MTHFD1L: variants seen among roughly 807,000 people sequenced by gnomAD.
MTHFD1L encodes methylenetetrahydrofolate dehydrogenase (NADP+ dependent) 1 like, also known as monofunctional C1-tetrahydrofolate synthase, mitochondrial.
Under a neutral mutation model 119.5 loss-of-function variants are expected in MTHFD1L, and 81 were observed. That is an observed-to-expected ratio of 0.68 (90% CI 0.57 to 0.82). The LOEUF is 0.82. Ranked by LOEUF, MTHFD1L falls within the 40% of genes least tolerant of loss-of-function variation. MTHFD1L has a pLI of 0.00. For synonymous variants in MTHFD1L, 430 were observed against 475.2 expected, an observed-to-expected ratio of 0.90 and a Z score of 1.24; for missense variants, 1,125 against 1,253.4, an observed-to-expected ratio of 0.90 and a Z score of 1.55.
intron 24 of MTHFD1L, among the ~76,000 whole-genome samples, chr6:151,021,520 C>T (rs567969576): frequency 9.2e-5 from 14 of 152,232 alleles, no homozygotes; most frequent in African/African-American, 3.4e-4. Context: ...TGCACTCCAG[C>T]CTGGGCAACA....
rs566399462 is a variant in MTHFD1L at position 150,993,564 on chromosome 6, G to A, written c.2126-16255G>A. The stretch of plus-strand genomic sequence containing the variant: ...TGGCCTTAAGTGATCCTCCTGCCTC[G>A]GCCTCCTTAAGGGCTGGGATTACAG... On this transcript the variant is annotated intron_variant, in intron 20 of 27. Transcript: ENST00000367321. 2.2e-3 allele frequency among the ~76,000 whole-genome samples: 342 copies of A among 152,162 alleles called. 1 individual carries two copies. The highest frequency in any genetic ancestry group is 4.2e-3 in the Non-Finnish European group (283 of 68,002).
chr6:150,973,339 C>A (rs903255199), intron 20 of MTHFD1L, among the ~76,000 whole-genome samples: 1 of 152,236 alleles, frequency 6.6e-6, no homozygotes, highest in Non-Finnish European at 1.5e-5. Flanking sequence ...TGGAGCTCCA[C>A]TCCTCCATGA....
chr6:150,875,238 G>A (rs529715204), intron 1 of MTHFD1L, among the ~76,000 whole-genome samples: 7 of 151,954 alleles, frequency 4.6e-5, no homozygotes, highest in Admixed American at 2.6e-4. Flanking sequence ...TTATAGAGAT[G>A]GGATCTCGTT....
In MTHFD1L at chr6:150,947,030, G is replaced by T. The variant is rs561638465; in HGVS notation, c.1623+1489G>T. On this transcript the variant is annotated intron_variant, in intron 15 of 27. Transcript: ENST00000367321. ...GCGGAGCTTGCAGTGAGCCGAGATC[G>T]TGCCATTGCACTCCAGCCTGGGCAA... 3.3e-5 allele frequency among the ~76,000 whole-genome samples: 5 copies of T among 149,792 alleles called. No homozygotes were observed. The East Asian group carries it at 1.0e-3, about 30-fold the overall frequency.
At chr6:150,957,900 G>A (rs1795874264) in intron 17 of MTHFD1L, among the ~76,000 whole-genome samples, 1 of 152,096 alleles carries the variant, frequency 6.6e-6, no homozygotes, top group Admixed American at 6.5e-5. Context: ...GCCAACTGTT[G>A]GCATTAGTTG....
At chr6:151,012,745 T>C (rs531341116) in intron 21 of MTHFD1L, among the ~76,000 whole-genome samples, 6 of 152,254 alleles carry the variant, frequency 3.9e-5, no homozygotes, top group African/African-American at 1.4e-4. Context: ...ATATTTATTG[T>C]AAGGAATTGG....
rs1287044151 is a variant in MTHFD1L, at chr6:150,944,578, C to T, written c.1533C>T (p.Asn511=). ...AAIDTRILHE[N]TQTDKALYNR... is the part of the protein sequence containing the mutation. ...TCGACACGAGGATTCTTCATGAAAA[C>T]ACGCAAACAGATAAGGTGAGAAGGA... The change falls in exon 14 of 28, where the codon AAC becomes AAT. Residue 511 remains asparagine, a synonymous_variant. Transcript: ENST00000367321. 3 of 1,613,304 alleles carry T rather than the reference C, an allele frequency of 1.9e-6. No individual in the cohort carries two copies. The highest frequency in any genetic ancestry group is 2.5e-6 in the Non-Finnish European group (3 of 1,179,528).
intron 13 of MTHFD1L, among the ~76,000 whole-genome samples, chr6:150,941,328 A>G (rs1363310387): frequency 6.6e-6 from 1 of 152,214 alleles, no homozygotes; most frequent in African/African-American, 2.4e-5. Context: ...TGCAGGCGCC[A>G]GCTCTGTCGA....
intron 10 of MTHFD1L, among the ~76,000 whole-genome samples, chr6:150,923,537 A>ATTTATTTATTTATTTATTTTT (rs1254981530): frequency 1.4e-4 from 13 of 95,220 alleles, no homozygotes; most frequent in African/African-American, 6.1e-4. Context: ...TTATTTATTT[A>ATTTATTTATTTATTTATTTTT]TTTTTTCTTT....
intron 9 of MTHFD1L, among the ~76,000 whole-genome samples, chr6:150,919,534 G>A (rs1459214838): frequency 6.6e-6 from 1 of 152,160 alleles, no homozygotes; most frequent in Non-Finnish European, 1.5e-5. Context: ...CTGGCTCACA[G>A]TTCTGCAGGC....
chr6:150,973,707 G>A (rs1363551183), intron 20 of MTHFD1L, among the ~76,000 whole-genome samples: 2 of 152,254 alleles, frequency 1.3e-5, no homozygotes, highest in East Asian at 1.9e-4. Context: ...CAAAGCAAAC[G>A]AGCCCTCTGT....
intron 19 of MTHFD1L, among the ~76,000 whole-genome samples, chr6:150,970,726 C>A (rs1008345303): frequency 6.6e-6 from 1 of 152,118 alleles, no homozygotes; most frequent in African/African-American, 2.4e-5. Context: ...TTGAGTTAGT[C>A]ATAGAATTTT....
At chr6:150,913,127 G>C (rs1787220733) in intron 8 of MTHFD1L, among the ~76,000 whole-genome samples, 1 of 151,758 alleles carries the variant, frequency 6.6e-6, no homozygotes, top group Non-Finnish European at 1.5e-5. Flanking sequence ...CCAGCCCCCA[G>C]GTAGCTGGGA....
intron 7 of MTHFD1L, among the ~76,000 whole-genome samples, chr6:150,900,764 C>T (rs1784977947): frequency 6.6e-6 from 1 of 152,118 alleles, no homozygotes. Context: ...GCCTGTAATC[C>T]CAGCTCTTTG....
chr6:151,050,266 G>C (rs1466923926), intron 26 of MTHFD1L, among the ~76,000 whole-genome samples: 1 of 152,132 alleles, frequency 6.6e-6, no homozygotes, highest in Non-Finnish European at 1.5e-5. Context: ...GGGTTCAAGC[G>C]ACTCTCCCAC....
rs12215772 is a variant in MTHFD1L, at chr6:151,039,948, G to A, written c.2847+2831G>A. The stretch of plus-strand genomic sequence containing the variant: ...TACATACATACATACATACATACAT[G>A]CATACATGCATACATGCATACATAG... On this transcript the variant is annotated intron_variant, in intron 26 of 27. Coordinates refer to ENST00000367321, the MANE Select transcript of MTHFD1L (RefSeq NM_015440.5). This position sits in a 1 kb window ranked among gnomAD's most constrained non-coding sequence, Gnocchi z 4.4. Among the ~76,000 whole-genome samples, 47,926 of 134,016 alleles carry A rather than the reference G, an allele frequency of 0.36. 8,311 individuals carry two copies. Among genetic ancestry groups the A allele is most frequent in the South Asian group, 0.48 (2,002 of 4,198 alleles). The allele number at this position is 134,016 out of a possible 152,430, so 87.9% of individuals were successfully genotyped here. A position where few individuals can be genotyped will look rare whatever the true frequency, so the allele number is the denominator to read the frequency against.
intron 26 of MTHFD1L, among the ~76,000 whole-genome samples, chr6:151,080,162 AGT>A (rs1793008580): frequency 6.6e-6 from 1 of 152,078 alleles, no homozygotes; most frequent in Non-Finnish European, 1.5e-5. Context: ...TGGATGACGG[AGT>A]GAGACTCTGG....
intron 26 of MTHFD1L, chr6:151,055,122 C>T (rs6911666): frequency 0.43 from 65,062 of 151,812 alleles, 14,320 homozygotes; most frequent in East Asian, 0.55. Context: ...AAAAATTAGC[C>T]GGGCATGGTG....
At chr6:150,989,878 A>C (rs1216202206) in intron 20 of MTHFD1L, among the ~76,000 whole-genome samples, 1 of 152,256 alleles carries the variant, frequency 6.6e-6, no homozygotes, top group Non-Finnish European at 1.5e-5. Context: ...ACACTATACT[A>C]TACTGTATTT....
Sources: gnomAD v4.1 joint callset for allele counts (sites outside exome capture counted in the v4.1 genomes callset) on GRCh38, gnomAD v4.1.1 for gene constraint, Gnocchi (gnomAD v3.1) non-coding constraint, MANE v1.5 for transcripts, NCBI Gene and HGNC (gene_info 2026-07-23, HGNC 2026-07-21) for gene names.